Variants in RNF150 observed in about 807,000 individuals in gnomAD.
RNF150 encodes the protein ring finger protein 150.
Under a neutral mutation model 39.3 loss-of-function variants are expected in RNF150, and 24 were observed. The observed-to-expected ratio is 0.61, with a 90% CI of 0.44 to 0.86. The LOEUF (loss-of-function observed/expected upper bound fraction) is 0.86, where lower values mean the gene tolerates loss of function less well. Ranked by LOEUF, RNF150 falls within the 40% of genes least tolerant of loss-of-function variation. RNF150 has a pLI of 0.00. For missense variants in RNF150, 502 were observed against 587.8 expected (o/e 0.85, Z 1.51); for synonymous variants, 255 against 227.3 (o/e 1.12, Z -1.10).
intron 1 of RNF150, among the ~76,000 whole-genome samples, chr4:141,177,231 T>TA (rs564937333): frequency 5.9e-5 from 9 of 151,618 alleles, no homozygotes; most frequent in Admixed American, 1.3e-4. Flanking sequence ...CCTTATCTCT[T>TA]AAAAAAAATG....
intron 1 of RNF150, among the ~76,000 whole-genome samples, chr4:141,098,095 TAA>T (rs1738867668): frequency 6.6e-6 from 1 of 152,194 alleles, no homozygotes; most frequent in Non-Finnish European, 1.5e-5. Context: ...TTCAAAATTA[TAA>T]AACACTAAAA....
intron 1 of RNF150, among the ~76,000 whole-genome samples, chr4:141,107,089 C>A (rs1008986470): frequency 6.6e-6 from 1 of 152,100 alleles, no homozygotes; most frequent in Non-Finnish European, 1.5e-5. Flanking sequence ...CTTTATCTTA[C>A]ATTCTAATGT....
At chr4:140,982,459 A>G (rs550699825) in intron 1 of RNF150, among the ~76,000 whole-genome samples, 1 of 149,392 alleles carries the variant, frequency 6.7e-6, no homozygotes, top group African/African-American at 2.5e-5. Flanking sequence ...TTTTATATTT[A>G]TTCTTCTTTG....
At chr4:141,112,949 G>C (rs1412463819) in intron 1 of RNF150, among the ~76,000 whole-genome samples, 1 of 151,714 alleles carries the variant, frequency 6.6e-6, no homozygotes, top group African/African-American at 2.4e-5. Flanking sequence ...CTCTAATCTT[G>C]TTTTCACGCT....
intron 6 of RNF150, among the ~76,000 whole-genome samples, chr4:140,896,771 T>C (rs1729975683): frequency 6.6e-6 from 1 of 151,850 alleles, no homozygotes; most frequent in Non-Finnish European, 1.5e-5. Context: ...CACTTCCTTT[T>C]TCTAGTAGAT....
chr4:140,927,522 C>G (rs1321749698), intron 4 of RNF150, among the ~76,000 whole-genome samples: 4 of 152,294 alleles, frequency 2.6e-5, no homozygotes, highest in African/African-American at 9.6e-5. Flanking sequence ...GAAGTGCTGG[C>G]TCTCTCTTTG....
At chr4:141,050,124 T>C (rs1736722626) in intron 1 of RNF150, among the ~76,000 whole-genome samples, 2 of 152,040 alleles carry the variant, frequency 1.3e-5, no homozygotes, top group Admixed American at 6.5e-5. Flanking sequence ...TATATATAAG[T>C]ATATGTACAT....
At chr4:141,039,880 C>T (rs1299558037) in intron 1 of RNF150, among the ~76,000 whole-genome samples, 1 of 152,074 alleles carries the variant, frequency 6.6e-6, no homozygotes, top group Non-Finnish European at 1.5e-5. Flanking sequence ...ATTTAAAATG[C>T]TACCACTACA....
intron 5 of RNF150, among the ~76,000 whole-genome samples, chr4:140,916,394 G>A (rs957893846): frequency 2.4e-4 from 37 of 152,124 alleles, no homozygotes; most frequent in Admixed American, 3.3e-4. Context: ...ACTACGTGAC[G>A]AATGCACAAG....
At chr4:140,969,624 C>T (rs900893281) in intron 1 of RNF150, among the ~76,000 whole-genome samples, 6 of 151,354 alleles carry the variant, frequency 4.0e-5, no homozygotes, top group Non-Finnish European at 5.9e-5. Flanking sequence ...AATAATTTTT[C>T]ATTTCATTTA....
At chr4:141,062,485 G>A (rs1170676021) in intron 1 of RNF150, among the ~76,000 whole-genome samples, 1 of 151,998 alleles carries the variant, frequency 6.6e-6, no homozygotes, top group East Asian at 1.9e-4. Context: ...TTACCACTTA[G>A]AGGCAGCACC....
rs1728465859 is a variant in RNF150 at position 140,860,928 on chromosome 4, T to C, written c.*7333A>G. The C allele has an allele frequency of 6.6e-6, 1 of 152,116 alleles. No individual in the cohort carries two copies. Among genetic ancestry groups the C allele is most frequent in the Non-Finnish European group, 1.5e-5 (1 of 68,032 alleles). The allele number at this position is 152,116 out of a possible 1,614,324, so 9.4% of individuals were successfully genotyped here. A position where few individuals can be genotyped will look rare whatever the true frequency, so the allele number is the denominator to read the frequency against. On this transcript the variant is annotated 3_prime_UTR_variant, in exon 7 of 7. Coordinates refer to ENST00000515673, the MANE Select transcript of RNF150 (RefSeq NM_020724.2). ...TAATCATCCTCCCAGCTCATGAACA[T>C]TTTAAAGAACAATACCCATTTTTTT...
intron 1 of RNF150, among the ~76,000 whole-genome samples, chr4:140,985,485 C>T (rs1264565693): frequency 6.6e-6 from 1 of 152,114 alleles, no homozygotes; most frequent in Non-Finnish European, 1.5e-5. Flanking sequence ...GTAAACTAAA[C>T]TCATCAGATA....
At chr4:141,211,192 T>C (rs1728458383) in intron 1 of RNF150, among the ~76,000 whole-genome samples, 1 of 152,204 alleles carries the variant, frequency 6.6e-6, no homozygotes, top group South Asian at 2.1e-4. Context: ...CTGATTTTGA[T>C]GTAATGTTTA....
chr4:141,179,626 T>C (rs1727871938), intron 1 of RNF150, among the ~76,000 whole-genome samples: 1 of 152,162 alleles, frequency 6.6e-6, no homozygotes, highest in African/African-American at 2.4e-5. Context: ...CCTGATTTGT[T>C]TCCTTTTTGC....
chr4:140,955,133 T>C (rs555508806), intron 2 of RNF150, among the ~76,000 whole-genome samples: 1 of 152,328 alleles, frequency 6.6e-6, no homozygotes. Flanking sequence ...TAATACATAA[T>C]AATGATCCTT....
rs1435650910 is a variant in RNF150 at position 140,865,975 on chromosome 4, C to CA, written c.*2285dup. The CA allele has an allele frequency of 6.6e-6, 1 of 152,116 alleles. No individual in the cohort carries two copies. The highest frequency in any genetic ancestry group is 2.4e-5 in the African/African-American group (1 of 41,368). 9.4% of individuals were successfully genotyped at this position (152,116 alleles called of 1,614,324 possible). ...CCGACTGAAGGAGGAGTCAGTGGCG[C>CA]AAGCCTATGCTGACTGTGAAAAATA... On this transcript the variant is annotated 3_prime_UTR_variant, in exon 7 of 7. Coordinates refer to ENST00000515673, the MANE Select transcript of RNF150 (RefSeq NM_020724.2).
intron 2 of RNF150, among the ~76,000 whole-genome samples, chr4:140,967,201 G>C (rs1433673671): frequency 1.1e-4 from 16 of 152,126 alleles, no homozygotes; most frequent in Non-Finnish European, 2.9e-5. Context: ...TACGCCATGT[G>C]ATACTTTTTG....
chr4:141,112,953 T>G (rs1201485708), intron 1 of RNF150, among the ~76,000 whole-genome samples: 4 of 152,124 alleles, frequency 2.6e-5, no homozygotes, highest in Non-Finnish European at 5.9e-5. Context: ...AATCTTGTTT[T>G]CACGCTTTAT....
Sources: gnomAD v4.1 joint callset for allele counts (sites outside exome capture counted in the v4.1 genomes callset) on GRCh38, gnomAD v4.1.1 for gene constraint, MANE v1.5 for transcripts, NCBI Gene and HGNC (gene_info 2026-07-23, HGNC 2026-07-21) for gene names.